NRXN3: variants seen among roughly 807,000 people sequenced by gnomAD.
NRXN3 encodes the protein neurexin 3, also known as neurexin III.
Under a neutral mutation model 137.6 loss-of-function variants are expected in NRXN3, and 32 were observed. The ratio of observed to expected loss-of-function variants is 0.23; its 90% confidence interval spans 0.18 to 0.31. The LOEUF (loss-of-function observed/expected upper bound fraction) is 0.31, where lower values mean the gene tolerates loss of function less well. Among genes scored for constraint, NRXN3 ranks in the 10% least tolerant of loss-of-function variants. The probability of loss-of-function intolerance (pLI) is 1.00; values close to 1 mark genes in which losing one functional copy is unlikely to be tolerated. For synonymous variants in NRXN3, 798 were observed against 784.5 expected (o/e 1.02, Z -0.29); for missense variants, 1,574 against 2,062.5 (o/e 0.76, Z 4.59).
chr14:79,450,879 T>A (rs2096158969), intron 15 of NRXN3, among the ~76,000 whole-genome samples: 1 of 150,882 alleles, frequency 6.6e-6, no homozygotes, highest in African/African-American at 2.4e-5. Context: ...AAAAAAAAAA[T>A]TAAAATTAAA....
intron 15 of NRXN3, among the ~76,000 whole-genome samples, chr14:79,317,250 T>G (rs1944180183): frequency 6.6e-6 from 1 of 151,904 alleles, no homozygotes; most frequent in South Asian, 2.1e-4. Context: ...AAAAAAAAAG[T>G]GTTGGCGGGG....
chr14:78,588,217 A>G (rs561970243), intron 4 of NRXN3, among the ~76,000 whole-genome samples: 1 of 152,132 alleles, frequency 6.6e-6, no homozygotes, highest in Non-Finnish European at 1.5e-5. Flanking sequence ...TGAATAGCTG[A>G]TGTTTTGAAT....
chr14:78,565,894 G>A (rs2096831872), intron 4 of NRXN3, among the ~76,000 whole-genome samples: 1 of 152,152 alleles, frequency 6.6e-6, no homozygotes, highest in East Asian at 1.9e-4. Flanking sequence ...CTGAAAGGTT[G>A]GCAGCAACAA....
At chr14:79,338,010 GA>G (rs2092373510) in intron 15 of NRXN3, among the ~76,000 whole-genome samples, 1 of 152,018 alleles carries the variant, frequency 6.6e-6, no homozygotes, top group Non-Finnish European at 1.5e-5. Context: ...CTATGCTGGG[GA>G]ATGTAAAGTA....
chr14:78,489,381 C>T (rs1305880140), intron 4 of NRXN3, among the ~76,000 whole-genome samples: 1 of 152,132 alleles, frequency 6.6e-6, no homozygotes, highest in Non-Finnish European at 1.5e-5. Context: ...CTTAACTTTC[C>T]CCAGTTCTGA....
intron 15 of NRXN3, among the ~76,000 whole-genome samples, chr14:79,168,711 C>T (rs11622810): frequency 0.081 from 12,390 of 152,060 alleles, 736 homozygotes; most frequent in Admixed American, 0.21. Flanking sequence ...CCTGTGATGA[C>T]TTTCACTACA....
intron 4 of NRXN3, chr14:78,615,039 A>G: frequency 2.2e-6 from 1 of 456,694 alleles, no homozygotes; most frequent in Non-Finnish European, 4.4e-6. Context: ...GAAGGTAGGG[A>G]TGCTCCTCGT....
intron 16 of NRXN3, among the ~76,000 whole-genome samples, chr14:79,531,349 G>A (rs1329627636): frequency 2.0e-5 from 3 of 152,142 alleles, no homozygotes; most frequent in Non-Finnish European, 4.4e-5. Context: ...TAAAGCATTT[G>A]CTTATTTTTC....
At chr14:79,487,276 A>G (rs2096666017) in intron 16 of NRXN3, among the ~76,000 whole-genome samples, 1 of 152,060 alleles carries the variant, frequency 6.6e-6, no homozygotes, top group African/African-American at 2.4e-5. Flanking sequence ...AATTCTTCCT[A>G]AAAGCTTAAA....
At chr14:79,520,269 A>G (rs2097050323) in intron 16 of NRXN3, among the ~76,000 whole-genome samples, 1 of 152,146 alleles carries the variant, frequency 6.6e-6, no homozygotes, top group Non-Finnish European at 1.5e-5. Flanking sequence ...CAACGTGATT[A>G]ACAAATTTAA....
intron 10 of NRXN3, among the ~76,000 whole-genome samples, chr14:78,826,234 T>A (rs1233237323): frequency 1.3e-5 from 2 of 152,154 alleles, no homozygotes; most frequent in Admixed American, 6.5e-5. Context: ...TCTTTCTCAA[T>A]TTTTTAGTTA....
At chr14:78,338,922 G>A (rs113009021) in intron 4 of NRXN3, among the ~76,000 whole-genome samples, 6 of 152,196 alleles carry the variant, frequency 3.9e-5, no homozygotes, top group African/African-American at 1.4e-4. Context: ...GCCCAAGGTG[G>A]TGGAGGTGGT....
chr14:78,638,292 C>T (rs2097583799), intron 4 of NRXN3, among the ~76,000 whole-genome samples: 1 of 152,024 alleles, frequency 6.6e-6, no homozygotes, highest in East Asian at 1.9e-4. Flanking sequence ...TGCAGGATTG[C>T]TCAGGGCGAC....
intron 16 of NRXN3, among the ~76,000 whole-genome samples, chr14:79,625,631 A>G (rs2098273763): frequency 6.6e-6 from 1 of 152,258 alleles, no homozygotes; most frequent in Non-Finnish European, 1.5e-5. Flanking sequence ...AGATGGAAGT[A>G]CATGGAATAA....
intron 1 of NRXN3, among the ~76,000 whole-genome samples, chr14:78,231,774 G>A (rs1167081102): frequency 6.6e-6 from 1 of 152,184 alleles, no homozygotes; most frequent in Non-Finnish European, 1.5e-5. Flanking sequence ...ATGACTTCAC[G>A]TGTACCATAC....
chr14:78,171,752 AT>A (rs1009015224), intron 1 of NRXN3, among the ~76,000 whole-genome samples: 1 of 151,784 alleles, frequency 6.6e-6, no homozygotes, highest in Non-Finnish European at 1.5e-5. Context: ...AAAAAATAAA[AT>A]TTTCCCTTCC....
At chr14:78,871,228 C>T (rs1317453690) in intron 10 of NRXN3, among the ~76,000 whole-genome samples, 1 of 151,498 alleles carries the variant, frequency 6.6e-6, no homozygotes, top group African/African-American at 2.4e-5. Flanking sequence ...TTCATTATTG[C>T]CTGTCTTTTG....
Position 79,580,744 on chromosome 14 carries a change from T to TA in NRXN3, c.3445-83026dup, listed in dbSNP as rs536847140. ...CTGCTTTTGTTATTCTGCTTTGGCT[T>TA]AAAAAAAAGTCTCCTGATGCTGTTC... is the stretch of plus-strand genomic sequence containing the variant. On this transcript the variant is annotated intron_variant, in intron 16 of 20. Coordinates refer to ENST00000335750, the MANE Select transcript of NRXN3 (RefSeq NM_001330195.2). Among the ~76,000 whole-genome samples, 55 of 151,962 alleles carry TA rather than the reference T, an allele frequency of 3.6e-4. No individual in the cohort carries two copies. In the East Asian group the frequency reaches 3.7e-3, roughly 10 times the overall value.
Position 79,862,275 on chromosome 14 carries a change from G to A in NRXN3, c.*311G>A, listed in dbSNP as rs1467976956. ...GCCGGACGGTGGCTCCACCACTTCC[G>A]CAGGCCTGGAAACTTCCTTCTCCGG... On this transcript the variant is annotated 3_prime_UTR_variant, in exon 21 of 21. Transcript: ENST00000335750. 2 of 234,776 alleles carry A rather than the reference G, an allele frequency of 8.5e-6. No homozygotes were observed. Among genetic ancestry groups the A allele is most frequent in the East Asian group, 9.2e-5 (1 of 10,900 alleles). 14.5% of individuals were successfully genotyped at this position (234,776 alleles called of 1,614,324 possible). A position where few individuals can be genotyped will look rare whatever the true frequency, so the allele number is the denominator to read the frequency against.
Sources: gnomAD v4.1 joint callset for allele counts (sites outside exome capture counted in the v4.1 genomes callset) on GRCh38, gnomAD v4.1.1 for gene constraint, MANE v1.5 for transcripts, NCBI Gene and HGNC (gene_info 2026-07-23, HGNC 2026-07-21) for gene names.